GRIK1: variants seen among roughly 807,000 people sequenced by gnomAD.
GRIK1 encodes the protein glutamate receptor ionotropic, kainate 1.
Under a neutral mutation model 105.7 loss-of-function variants are expected in GRIK1, and 69 were observed. The ratio of observed to expected loss-of-function variants is 0.65; its 90% CI spans 0.54 to 0.80. The LOEUF is 0.80. Ranked by LOEUF, GRIK1 falls within the 30% of genes least tolerant of loss-of-function variation. The probability of loss-of-function intolerance (pLI) is 0.00; values close to 1 mark genes in which losing one functional copy is unlikely to be tolerated. For missense variants in GRIK1, 1,109 were observed against 1,167.3 expected (o/e 0.95, Z 0.73); for synonymous variants, 438 against 431.3 (o/e 1.02, Z -0.19).
chr21:29,918,976 G>A (rs1036801387), intron 1 of GRIK1, among the ~76,000 whole-genome samples: 41 of 151,950 alleles, frequency 2.7e-4, no homozygotes, highest in Non-Finnish European at 5.6e-4. Context: ...GAAGGCAAGG[G>A]ATATAACTGA....
intron 1 of GRIK1, among the ~76,000 whole-genome samples, chr21:29,924,257 A>G (rs2071281217): frequency 6.6e-6 from 1 of 151,680 alleles, no homozygotes; most frequent in South Asian, 2.1e-4. Flanking sequence ...GAATTGCTTG[A>G]ACCCGGGAGG....
chr21:29,749,061 G>C (rs1456221357), intron 1 of GRIK1: 1 of 152,140 alleles, frequency 6.6e-6, no homozygotes, highest in Non-Finnish European at 1.5e-5. Flanking sequence ...AGCCACGAAG[G>C]CTCTCCTGCA....
chr21:29,883,919 G>A (rs954400261), intron 1 of GRIK1, among the ~76,000 whole-genome samples: 8 of 151,934 alleles, frequency 5.3e-5, no homozygotes, highest in Non-Finnish European at 1.2e-4. Context: ...AAACCCGACA[G>A]GCTTCAACAG....
intron 16 of GRIK1, among the ~76,000 whole-genome samples, chr21:29,547,026 T>A (rs2090060886): frequency 1.3e-5 from 2 of 152,250 alleles, no homozygotes; most frequent in Non-Finnish European, 2.9e-5. Flanking sequence ...TGAGGTCCAG[T>A]CTCATTTATC....
At chr21:29,588,256 A>G (rs1291604261) in intron 11 of GRIK1, among the ~76,000 whole-genome samples, 2 of 152,128 alleles carry the variant, frequency 1.3e-5, no homozygotes, top group East Asian at 3.9e-4. Flanking sequence ...TCTTAATTTA[A>G]GAATCACTCA....
intron 1 of GRIK1, among the ~76,000 whole-genome samples, chr21:29,925,979 A>G (rs1158120329): frequency 1.3e-5 from 2 of 152,182 alleles, no homozygotes; most frequent in Non-Finnish European, 1.5e-5. Context: ...TTGTTAAGCT[A>G]TATACCACTC....
chr21:29,933,160 C>G (rs1338994362), intron 1 of GRIK1, among the ~76,000 whole-genome samples: 2 of 151,850 alleles, frequency 1.3e-5, no homozygotes, highest in Non-Finnish European at 2.9e-5. Flanking sequence ...ATGTTAAGTT[C>G]CGGGTACATG....
chr21:29,722,183 A>G (rs538926170), intron 1 of GRIK1, among the ~76,000 whole-genome samples: 84 of 152,252 alleles, frequency 5.5e-4, no homozygotes, highest in Middle Eastern at 3.4e-3. Context: ...CTGATAATGG[A>G]TGCTCTAATT....
intron 1 of GRIK1, among the ~76,000 whole-genome samples, chr21:29,715,210 A>G (rs1178844916): frequency 6.6e-6 from 1 of 152,176 alleles, no homozygotes; most frequent in Non-Finnish European, 1.5e-5. Flanking sequence ...TTTGAGCTAC[A>G]ATTGCCCTCA....
intron 1 of GRIK1, among the ~76,000 whole-genome samples, chr21:29,714,324 A>G (rs1272474973): frequency 1.3e-5 from 2 of 152,198 alleles, no homozygotes; most frequent in African/African-American, 4.8e-5. Flanking sequence ...ATCAAATGCT[A>G]TAATAAAACT....
chr21:29,766,212 TAAAAC>T lies in GRIK1; in HGVS notation c.119-72154_119-72150del, dbSNP rs555638281. On this transcript the variant is annotated intron_variant, in intron 1 of 17. Coordinates refer to ENST00000327783, the MANE Select transcript of GRIK1 (RefSeq NM_001330994.2). ...ATATCCTACACTCAGCCACAGGCCT[TAAAAC>T]AAAATCCTTCCAAGCATGATGTTCT... Among the ~76,000 whole-genome samples the T allele has an allele frequency of 1.2e-4, 19 of 152,260 alleles. No homozygotes were observed. In the East Asian group the frequency reaches 3.7e-3, roughly 29 times the overall value.
At chr21:29,847,248 C>T (rs866023929) in intron 1 of GRIK1, among the ~76,000 whole-genome samples, 1 of 152,168 alleles carries the variant, frequency 6.6e-6, no homozygotes, top group Non-Finnish European at 1.5e-5. Flanking sequence ...CTCTCTCCTG[C>T]CATCTTCTAT....
intron 1 of GRIK1, among the ~76,000 whole-genome samples, chr21:29,786,460 C>A (rs1211312387): frequency 6.6e-6 from 1 of 151,698 alleles, no homozygotes; most frequent in Non-Finnish European, 1.5e-5. Context: ...TTTTTGAGGG[C>A]CACCTTCGAC....
At chr21:29,874,289 A>G (rs1428723991) in intron 1 of GRIK1, among the ~76,000 whole-genome samples, 1 of 152,214 alleles carries the variant, frequency 6.6e-6, no homozygotes, top group Non-Finnish European at 1.5e-5. Context: ...AATATCAGCA[A>G]TGATGAAAGA....
At chr21:29,861,762 A>G (rs893274198) in intron 1 of GRIK1, 2 of 366,992 alleles carry the variant, frequency 5.4e-6, no homozygotes, top group Admixed American at 6.7e-5. Flanking sequence ...GGTGGATTGC[A>G]TTAATTTCTT....
intron 4 of GRIK1, among the ~76,000 whole-genome samples, chr21:29,665,432 A>T (rs978917240): frequency 6.6e-6 from 1 of 152,242 alleles, no homozygotes; most frequent in Non-Finnish European, 1.5e-5. Flanking sequence ...CATACTACAA[A>T]TTATCATCAA....
Position 29,894,805 on chromosome 21 carries a change from A to G in GRIK1, c.118+44578T>C, listed in dbSNP as rs182133749. 3.6e-3 allele frequency among the ~76,000 whole-genome samples: 545 copies of G among 152,264 alleles called. 3 individuals are homozygous for G. The highest frequency in any genetic ancestry group is 0.012 in the African/African-American group (512 of 41,552). Reference sequence around the variant, plus strand: ...CCAAAAATTGATGAGTGCCCCCTGGATCCACTTCTGTTTGAGTATATGGAT... The same window carrying G: ...CCAAAAATTGATGAGTGCCCCCTGGGTCCACTTCTGTTTGAGTATATGGAT... On this transcript the variant is annotated intron_variant, in intron 1 of 17. Transcript: ENST00000327783.
At chr21:29,869,283 T>C (rs980520230) in intron 1 of GRIK1, among the ~76,000 whole-genome samples, 5 of 152,238 alleles carry the variant, frequency 3.3e-5, no homozygotes, top group Non-Finnish European at 7.3e-5. Flanking sequence ...AAGGCAGTCC[T>C]GGAGGGCCAT....
chr21:29,889,534 C>G (rs975952927), intron 1 of GRIK1, among the ~76,000 whole-genome samples: 1 of 151,594 alleles, frequency 6.6e-6, no homozygotes, highest in Non-Finnish European at 1.5e-5. Context: ...TTCTTCTATT[C>G]CAGTAAATAT....
Sources: gnomAD v4.1 joint callset for allele counts (sites outside exome capture counted in the v4.1 genomes callset) on GRCh38, gnomAD v4.1.1 for gene constraint, MANE v1.5 for transcripts, NCBI Gene and HGNC (gene_info 2026-07-23, HGNC 2026-07-21) for gene names.